Variants in CNTN4 observed in about 807,000 individuals in gnomAD.
The protein encoded by CNTN4 is contactin-4.
CNTN4 carries 77 observed loss-of-function variants against 122.5 expected under a neutral mutation model. That is an observed-to-expected ratio of 0.63 (90% CI 0.52 to 0.76). The LOEUF (loss-of-function observed/expected upper bound fraction) is 0.76. Ranked by LOEUF, CNTN4 falls within the 30% of genes least tolerant of loss-of-function variation. The pLI is 0.00. For synonymous variants in CNTN4, 512 were observed against 447.0 expected, an observed-to-expected ratio of 1.15 and a Z score of -1.83; for missense variants, 1,256 against 1,259.1, an observed-to-expected ratio of 1.00 and a Z score of 0.04.
chr3:2,855,951 A>AT (rs973638949), intron 7 of CNTN4, among the ~76,000 whole-genome samples: 2 of 151,898 alleles, frequency 1.3e-5, no homozygotes, highest in Admixed American at 6.6e-5. Context: ...TTTTGTTGTT[A>AT]TTTTTTCCCT....
intron 3 of CNTN4, among the ~76,000 whole-genome samples, chr3:2,353,699 G>T (rs886379512): frequency 2.6e-5 from 4 of 152,110 alleles, no homozygotes; most frequent in African/African-American, 7.2e-5. Flanking sequence ...GCGAGACCAA[G>T]AACCCACCAA....
intron 2 of CNTN4, among the ~76,000 whole-genome samples, chr3:2,203,065 C>G (rs1338080700): frequency 6.6e-6 from 1 of 151,774 alleles, no homozygotes; most frequent in Non-Finnish European, 1.5e-5. Flanking sequence ...AACTCCTGAC[C>G]TCAAGTTGTC....
intron 3 of CNTN4, among the ~76,000 whole-genome samples, chr3:2,570,176 A>T (rs537974942): frequency 9.4e-5 from 14 of 148,354 alleles, no homozygotes; most frequent in African/African-American, 3.0e-4. Context: ...ACAGTGTTTA[A>T]TTTTTTTTTT....
chr3:2,480,064 A>G lies in CNTN4; in HGVS notation c.-88-91352A>G, dbSNP rs546904659. ...TGCAGAAAAGCATTTGACAGATTCA[A>G]CACTCATTCATGATAAGAACTCTCT... On this transcript the variant is annotated intron_variant, in intron 3 of 24. Coordinates refer to ENST00000418658, the MANE Select transcript of CNTN4 (RefSeq NM_175607.3). Among the ~76,000 whole-genome samples the G allele has an allele frequency of 1.5e-3, 223 of 152,272 alleles. 1 individual carries two copies. The highest frequency in any genetic ancestry group is 6.8e-3 in the Middle Eastern group (2 of 294).
At chr3:2,961,269 T>G in intron 13 of CNTN4, among the ~76,000 whole-genome samples, 1 of 134,798 alleles carries the variant, frequency 7.4e-6, no homozygotes, top group African/African-American at 2.7e-5. Flanking sequence ...GAATATTGAA[T>G]GAAGAGGAGA....
chr3:2,768,699 C>T (rs2090962542), intron 6 of CNTN4, among the ~76,000 whole-genome samples: 1 of 152,174 alleles, frequency 6.6e-6, no homozygotes, highest in East Asian at 1.9e-4. Context: ...TTCACTTTCT[C>T]CTTAATAATC....
At chr3:2,566,757 C>G in intron 3 of CNTN4, among the ~76,000 whole-genome samples, 1 of 152,154 alleles carries the variant, frequency 6.6e-6, no homozygotes, top group Non-Finnish European at 1.5e-5. Context: ...AACATGTTTA[C>G]AGAGATTAAG....
intron 6 of CNTN4, among the ~76,000 whole-genome samples, chr3:2,817,155 T>C (rs1207727774): frequency 6.6e-6 from 1 of 152,256 alleles, no homozygotes; most frequent in Non-Finnish European, 1.5e-5. Context: ...GCGTTTGCTA[T>C]TAGAAACCTT....
chr3:2,669,016 C>T (rs2084339495), intron 4 of CNTN4, among the ~76,000 whole-genome samples: 1 of 152,152 alleles, frequency 6.6e-6, no homozygotes, highest in Admixed American at 6.5e-5. Flanking sequence ...AGGATTTTTG[C>T]ATCGATGTTC....
chr3:2,332,426 C>G (rs2150305593), intron 2 of CNTN4, among the ~76,000 whole-genome samples: 1 of 151,850 alleles, frequency 6.6e-6, no homozygotes. Context: ...CTTTAATTTC[C>G]CCAGTAACTC....
chr3:2,264,653 T>C (rs1225646587), intron 2 of CNTN4, among the ~76,000 whole-genome samples: 1 of 152,086 alleles, frequency 6.6e-6, no homozygotes, highest in East Asian at 1.9e-4. Flanking sequence ...TATTGTTATT[T>C]TTTTTGTTTT....
At chr3:2,599,226 G>A (rs770295931) in intron 4 of CNTN4, among the ~76,000 whole-genome samples, 13 of 152,192 alleles carry the variant, frequency 8.5e-5, no homozygotes, top group Admixed American at 3.3e-4. Flanking sequence ...AATGTTACTA[G>A]TTGTAGGTTC....
intron 2 of CNTN4, among the ~76,000 whole-genome samples, chr3:2,199,958 G>C (rs1019650618): frequency 1.3e-5 from 2 of 152,160 alleles, no homozygotes; most frequent in Admixed American, 1.3e-4. Context: ...GAGTATGTTG[G>C]ATGAAGATGA....
intron 24 of CNTN4, 40 bp downstream of exon 24, chr3:3,054,015 T>G (rs1701537331): frequency 6.2e-7 from 1 of 1,603,186 alleles, no homozygotes; most frequent in Non-Finnish European, 8.5e-7. Flanking sequence ...CCTGCCTGTC[T>G]TATCTTATCA....
chr3:2,184,659 G>C (rs1176890265), intron 2 of CNTN4, among the ~76,000 whole-genome samples: 1 of 152,082 alleles, frequency 6.6e-6, no homozygotes, highest in African/African-American at 2.4e-5. Context: ...TTATAAAAGG[G>C]CTTGATGGGG....
intron 4 of CNTN4, among the ~76,000 whole-genome samples, chr3:2,714,952 G>T (rs755303334): frequency 5.9e-5 from 9 of 152,148 alleles, no homozygotes; most frequent in Non-Finnish European, 1.3e-4. Flanking sequence ...TTGGAAGGCT[G>T]TACTATCTTG....
chr3:2,304,684 C>T (rs908325173), intron 2 of CNTN4, among the ~76,000 whole-genome samples: 1 of 151,668 alleles, frequency 6.6e-6, no homozygotes, highest in Non-Finnish European at 1.5e-5. Context: ...GTCAGAAATA[C>T]AGCATATTCC....
At chr3:2,896,599 CT>C (rs1328391800) in intron 10 of CNTN4, among the ~76,000 whole-genome samples, 2 of 152,164 alleles carry the variant, frequency 1.3e-5, no homozygotes, top group African/African-American at 2.4e-5. Context: ...CTGGAAGACT[CT>C]CTTAAGTAGC....
At chr3:2,794,201 A>G (rs1348773388) in intron 6 of CNTN4, among the ~76,000 whole-genome samples, 1 of 152,206 alleles carries the variant, frequency 6.6e-6, no homozygotes, top group Non-Finnish European at 1.5e-5. Flanking sequence ...CATGAAAGAA[A>G]TGTTTCTACA....
Sources: gnomAD v4.1 joint callset for allele counts (sites outside exome capture counted in the v4.1 genomes callset) on GRCh38, gnomAD v4.1.1 for gene constraint, MANE v1.5 for transcripts, NCBI Gene and HGNC (gene_info 2026-07-23, HGNC 2026-07-21) for gene names.